The following ZNF560 variants were observed in gnomAD, a reference collection of about 807,000 sequenced individuals.
ZNF560 encodes the protein zinc finger protein 560.
Under a neutral mutation model 81.8 loss-of-function variants are expected in ZNF560, and 54 were observed. The ratio of observed to expected loss-of-function variants is 0.66; its 90% CI spans 0.53 to 0.83. The LOEUF is 0.83. Ranked by LOEUF, ZNF560 falls within the 40% of genes least tolerant of loss-of-function variation. The probability of loss-of-function intolerance (pLI) is 0.00; values close to 1 mark genes in which losing one functional copy is unlikely to be tolerated. For missense variants in ZNF560, 940 were observed against 932.4 expected, an observed-to-expected ratio of 1.01 and a Z score of -0.11; for synonymous variants, 321 against 317.9, an observed-to-expected ratio of 1.01 and a Z score of -0.10.
At chr19:9,488,986 T>C (rs1414291161) in intron 2 of ZNF560, among the ~76,000 whole-genome samples, 26 of 152,234 alleles carry the variant, frequency 1.7e-4, no homozygotes, top group Non-Finnish European at 2.9e-5. Flanking sequence ...CTACTCCTGC[T>C]TCACCTTCTG....
intron 2 of ZNF560, among the ~76,000 whole-genome samples, chr19:9,485,952 T>C (rs1408587907): frequency 6.6e-6 from 1 of 152,166 alleles, no homozygotes; most frequent in African/African-American, 2.4e-5. Context: ...CCATTCTCCA[T>C]GAAAGGCATC....
At chr19:9,481,312 A>G (rs2073286005) in intron 2 of ZNF560, among the ~76,000 whole-genome samples, 1 of 152,198 alleles carries the variant, frequency 6.6e-6, no homozygotes, top group African/African-American at 2.4e-5. Context: ...CTAAAACCAT[A>G]AAAACCCTAG....
chr19:9,458,865 T>C, the ZNF560 span, among the ~76,000 whole-genome samples: 1 of 152,228 alleles, frequency 6.6e-6, no homozygotes, highest in Non-Finnish European at 1.5e-5. Context: ...TAATTCTCTT[T>C]GGCAAATGGA....
intron 2 of ZNF560, among the ~76,000 whole-genome samples, chr19:9,489,576 A>T (rs2073439162): frequency 6.6e-6 from 1 of 151,038 alleles, no homozygotes; most frequent in Non-Finnish European, 1.5e-5. Context: ...GTGGCCGGGA[A>T]CTTCTTTATA....
At chr19:9,458,960 C>A in the ZNF560 span, among the ~76,000 whole-genome samples, 1 of 152,204 alleles carries the variant, frequency 6.6e-6, no homozygotes, top group Non-Finnish European at 1.5e-5. Flanking sequence ...GGGCTACATG[C>A]CAATCAGGAG....
chr19:9,468,725 C>CTTTTTTTTTT (rs3068756), intron 9 of ZNF560, among the ~76,000 whole-genome samples: 1 of 123,050 alleles, frequency 8.1e-6, no homozygotes, highest in Non-Finnish European at 1.7e-5. Context: ...CTGCTGATTT[C>CTTTTTTTTTT]TTTTTTTTTT....
the ZNF560 span, among the ~76,000 whole-genome samples, chr19:9,451,642 C>A: frequency 6.6e-6 from 1 of 152,154 alleles, no homozygotes; most frequent in Non-Finnish European, 1.5e-5. Context: ...TAAATAGCTT[C>A]TGTACAGCAA....
intron 2 of ZNF560, among the ~76,000 whole-genome samples, chr19:9,487,011 CCT>C (rs1323794082): frequency 6.6e-6 from 1 of 152,030 alleles, no homozygotes; most frequent in Non-Finnish European, 1.5e-5. Flanking sequence ...TAAGCAACTT[CCT>C]CTTTTCCTTT....
At chr19:9,497,397 C>T (rs2073577383) in intron 2 of ZNF560, among the ~76,000 whole-genome samples, 1 of 151,368 alleles carries the variant, frequency 6.6e-6, no homozygotes, top group Non-Finnish European at 1.5e-5. Flanking sequence ...TATCCGGGCA[C>T]GGTGGCACAC....
chr19:9,452,090 G>A, the ZNF560 span, among the ~76,000 whole-genome samples: 1 of 151,770 alleles, frequency 6.6e-6, no homozygotes, highest in African/African-American at 2.4e-5. Context: ...AAAAAAAAAA[G>A]TGGGGGGCAG....
downstream of ZNF560, among the ~76,000 whole-genome samples, chr19:9,463,325 T>A (rs1047605323): frequency 2.6e-5 from 4 of 152,162 alleles, no homozygotes; most frequent in Non-Finnish European, 1.5e-5. Flanking sequence ...GACTAGGGTA[T>A]CATTTCTTAG....
the ZNF560 span, among the ~76,000 whole-genome samples, chr19:9,446,237 C>A: frequency 6.6e-6 from 1 of 152,026 alleles, no homozygotes; most frequent in South Asian, 2.1e-4. Context: ...CATCTCCCTG[C>A]TGCTATTTAC....
At chr19:9,470,223 T>C (rs932183659) in intron 7 of ZNF560, among the ~76,000 whole-genome samples, 169 bp downstream of exon 7, 1 of 152,234 alleles carries the variant, frequency 6.6e-6, no homozygotes, top group Admixed American at 6.5e-5. Flanking sequence ...AACCCATTAG[T>C]ACAGGAACTG....
At position 9,486,965 on chromosome 19, in the gene ZNF560, T is replaced by C. The variant is rs978212156; in HGVS notation, c.-57+11163A>G. Among the ~76,000 whole-genome samples, 9 of 152,314 alleles carry C rather than the reference T, an allele frequency of 5.9e-5. 1 individual carries two copies. Among genetic ancestry groups the C allele is most frequent in the Admixed American group, 6.5e-5 (1 of 15,298 alleles). On this transcript the variant is annotated intron_variant, in intron 2 of 9. Coordinates refer to ENST00000301480, the MANE Select transcript of ZNF560 (RefSeq NM_152476.3). ...CAGCTCACAGCTTATGCCCCTTCCT[T>C]ATTTGGAAATGTTATTACTTCTCTA...
downstream of ZNF560, among the ~76,000 whole-genome samples, chr19:9,464,337 C>T (rs969649040): frequency 2.6e-5 from 4 of 152,196 alleles, no homozygotes; most frequent in Non-Finnish European, 5.9e-5. Flanking sequence ...TATATGACTG[C>T]TTTGCCAAAC....
At chr19:9,499,822 T>C (rs2073616961), upstream of ZNF560, among the ~76,000 whole-genome samples, 1 of 152,230 alleles carries the variant, frequency 6.6e-6, no homozygotes, top group Admixed American at 6.5e-5. Flanking sequence ...GGTAAAGTTA[T>C]TCCCATGTAA....
chr19:9,468,674 T>G (rs2073072791), intron 9 of ZNF560, among the ~76,000 whole-genome samples: 1 of 151,912 alleles, frequency 6.6e-6, no homozygotes, highest in Admixed American at 6.6e-5. Flanking sequence ...TCCCCTTGGG[T>G]GAATTGGGTG....
the ZNF560 span, among the ~76,000 whole-genome samples, chr19:9,460,240 G>A: frequency 1.3e-5 from 2 of 152,266 alleles, no homozygotes; most frequent in South Asian, 2.1e-4. Context: ...CAACTGTCAC[G>A]AGCAACACTC....
intron 2 of ZNF560, among the ~76,000 whole-genome samples, chr19:9,484,533 G>T (rs912050749): frequency 6.6e-6 from 1 of 151,572 alleles, no homozygotes; most frequent in Non-Finnish European, 1.5e-5. Flanking sequence ...TGTAATTCCG[G>T]CACTTTGGGA....
Sources: gnomAD v4.1 joint callset for allele counts (sites outside exome capture counted in the v4.1 genomes callset) on GRCh38, gnomAD v4.1.1 for gene constraint, MANE v1.5 for transcripts, NCBI Gene and HGNC (gene_info 2026-07-23, HGNC 2026-07-21) for gene names.